MGAT4A: variants seen among roughly 807,000 people sequenced by gnomAD.
MGAT4A encodes alpha-1,3-mannosyl-glycoprotein 4-beta-N-acetylglucosaminyltransferase A.
Under a neutral mutation model 74.1 loss-of-function variants are expected in MGAT4A, and 33 were observed. That is an observed-to-expected ratio of 0.45 (90% confidence interval 0.34 to 0.60). The LOEUF is 0.60. Among genes scored for constraint, MGAT4A ranks in the 20% least tolerant of loss-of-function variants. The probability of loss-of-function intolerance (pLI) is 0.02; values close to 1 mark genes in which losing one functional copy is unlikely to be tolerated. For synonymous variants in MGAT4A, 198 were observed against 210.4 expected (o/e 0.94, Z 0.51); for missense variants, 479 against 628.3 (o/e 0.76, Z 2.54).
intron 2 of MGAT4A, among the ~76,000 whole-genome samples, chr2:98,687,485 A>G (rs557658009): frequency 6.6e-6 from 1 of 152,184 alleles, no homozygotes; most frequent in East Asian, 1.9e-4. Context: ...TCCTTGTATG[A>G]CCTATTTCAT....
intron 13 of MGAT4A, 141 bp from the exon 14 acceptor site, chr2:98,635,429 T>C (rs1559155461): frequency 1.7e-6 from 1 of 581,318 alleles, no homozygotes; most frequent in Non-Finnish European, 2.9e-6. Flanking sequence ...TCTTGAACTT[T>C]AAAAAACTTA....
At chr2:98,690,163 C>T (rs905318858) in intron 2 of MGAT4A, among the ~76,000 whole-genome samples, 1 of 152,172 alleles carries the variant, frequency 6.6e-6, no homozygotes, top group Non-Finnish European at 1.5e-5. Context: ...CAGCAATGGC[C>T]AGGCAGGGAG....
At chr2:98,670,081 T>G (rs1161748352) in intron 4 of MGAT4A, among the ~76,000 whole-genome samples, 2 of 152,222 alleles carry the variant, frequency 1.3e-5, no homozygotes, top group Non-Finnish European at 2.9e-5. Context: ...TCTGATACAA[T>G]GTTCTTCTAC....
rs113515634 is a variant in MGAT4A at position 98,636,414 on chromosome 2, C to T, written c.1401+103G>A. On this transcript the variant is annotated intron_variant, in intron 13 of 15. Coordinates refer to ENST00000393487, the MANE Select transcript of MGAT4A (RefSeq NM_012214.3). ...TAATATTATTCACCATTGAGTCCTG[C>T]AAATCATGAGAATTTTCTTTCCCCT... is the stretch of plus-strand genomic sequence containing the variant. 1,172 of 884,442 alleles carry T rather than the reference C, an allele frequency of 1.3e-3. 12 individuals are homozygous for T. The African/African-American group carries it at 0.017, about 13-fold the overall frequency. 54.8% of individuals were successfully genotyped at this position (884,442 alleles called of 1,614,324 possible).
At chr2:98,661,635 T>C (rs1424471301) in intron 5 of MGAT4A, among the ~76,000 whole-genome samples, 1 of 152,116 alleles carries the variant, frequency 6.6e-6, no homozygotes, top group Non-Finnish European at 1.5e-5. Context: ...ACAGAAAACA[T>C]TAAAAGGGCT....
Position 98,656,879 on chromosome 2 carries a change from C to A in MGAT4A, c.585-414G>T, listed in dbSNP as rs1372824397. 4.6e-5 allele frequency among the ~76,000 whole-genome samples: 7 copies of A among 152,246 alleles called. No individual in the cohort carries two copies. In the East Asian group the frequency reaches 1.4e-3, roughly 29 times the overall value. Reference sequence around the variant, plus strand: ...TATTTTGCAAAAACCAAAGCTCTTACATCTTCAAGAAGCTTTGCTTGTGGG... The same window carrying A: ...TATTTTGCAAAAACCAAAGCTCTTAAATCTTCAAGAAGCTTTGCTTGTGGG... On this transcript the variant is annotated intron_variant, in intron 6 of 15. Transcript: ENST00000393487.
At chr2:98,652,327 ATTT>A (rs70940120) in intron 8 of MGAT4A, among the ~76,000 whole-genome samples, 1,508 of 123,384 alleles carry the variant, frequency 0.012, 14 homozygotes, top group African/African-American at 0.028. Context: ...TATCTCAACA[ATTT>A]TTTTTTTTTT....
chr2:98,668,981 A>G (rs1701874918), intron 4 of MGAT4A, among the ~76,000 whole-genome samples: 1 of 152,228 alleles, frequency 6.6e-6, no homozygotes. Flanking sequence ...GTACCTAGGA[A>G]GTAACCAGCT....
intron 2 of MGAT4A, among the ~76,000 whole-genome samples, chr2:98,678,929 T>G (rs913532820): frequency 6.6e-6 from 1 of 152,176 alleles, no homozygotes; most frequent in Non-Finnish European, 1.5e-5. Context: ...GCATAATCAT[T>G]AATTTCCATA....
chr2:98,723,293 C>T (rs1702706564), intron 2 of MGAT4A, among the ~76,000 whole-genome samples: 2 of 152,150 alleles, frequency 1.3e-5, no homozygotes, highest in South Asian at 4.1e-4. Context: ...GCAACTTGCG[C>T]CAGCAGCATG....
At chr2:98,703,907 A>G (rs1219638787) in intron 2 of MGAT4A, among the ~76,000 whole-genome samples, 2 of 152,002 alleles carry the variant, frequency 1.3e-5, no homozygotes, top group Non-Finnish European at 2.9e-5. Context: ...GCATTCTGTG[A>G]CCACTCGCAT....
At chr2:98,661,067 G>A (rs1424967274) in intron 5 of MGAT4A, among the ~76,000 whole-genome samples, 1 of 152,034 alleles carries the variant, frequency 6.6e-6, no homozygotes, top group Non-Finnish European at 1.5e-5. Context: ...AACAGCTCAA[G>A]AGTAAGAAAA....
Position 98,648,391 on chromosome 2 carries a change from T to C in MGAT4A, c.775-2849A>G, listed in dbSNP as rs61546289. On this transcript the variant is annotated intron_variant, in intron 8 of 15. Transcript: ENST00000393487. ...GCCAAGTGCCTGTAATCCCACCTAC[T>C]TGGGAGGCTGAGGCAGGAGAATCAC... is the stretch of plus-strand genomic sequence containing the variant. Among the ~76,000 whole-genome samples the C allele has an allele frequency of 1.1e-3, 171 of 151,782 alleles. 3 individuals carry two copies. In the East Asian group the frequency reaches 0.032, roughly 28 times the overall value.
intron 2 of MGAT4A, among the ~76,000 whole-genome samples, chr2:98,687,348 T>C (rs1057005423): frequency 1.8e-4 from 28 of 152,308 alleles, no homozygotes; most frequent in Admixed American, 6.5e-4. Context: ...ACTATGTAGA[T>C]AGTTCTTCAT....
intron 2 of MGAT4A, among the ~76,000 whole-genome samples, chr2:98,682,422 C>CAA (rs1013377462): frequency 0.24 from 8,592 of 35,582 alleles, 1,438 homozygotes; most frequent in Non-Finnish European, 0.33. Flanking sequence ...AATTCCATCT[C>CAA]AAAAAAAAAA....
chr2:98,656,587 TGGCCGCA>T, intron 6 of MGAT4A, 122 bp from the exon 7 acceptor site: 1 of 625,338 alleles, frequency 1.6e-6, no homozygotes, highest in Non-Finnish European at 2.7e-6. Flanking sequence ...TATAATGTTA[TGGCCGCA>T]AGGTGTTAAA....
At chr2:98,697,790 G>A (rs1053540627) in intron 2 of MGAT4A, among the ~76,000 whole-genome samples, 2 of 152,182 alleles carry the variant, frequency 1.3e-5, no homozygotes, top group African/African-American at 4.8e-5. Context: ...TCACCACAAC[G>A]TTTGTCAGAG....
intron 8 of MGAT4A, among the ~76,000 whole-genome samples, chr2:98,654,208 C>A (rs1260821126): frequency 6.6e-6 from 1 of 152,110 alleles, no homozygotes; most frequent in Non-Finnish European, 1.5e-5. Flanking sequence ...TAATATCACA[C>A]TTGGCAGCAA....
At chr2:98,711,027 A>G (rs1702510569) in intron 2 of MGAT4A, among the ~76,000 whole-genome samples, 1 of 152,064 alleles carries the variant, frequency 6.6e-6, no homozygotes. Context: ...TAAAATAACC[A>G]AGATGCTAGA....
Sources: gnomAD v4.1 joint callset for allele counts (sites outside exome capture counted in the v4.1 genomes callset) on GRCh38, gnomAD v4.1.1 for gene constraint, MANE v1.5 for transcripts, NCBI Gene and HGNC (gene_info 2026-07-23, HGNC 2026-07-21) for gene names.